Variants in PDZD9 observed in about 807,000 individuals in gnomAD.
The protein encoded by PDZD9 is PDZ domain-containing protein 9.
In PDZD9, 13 loss-of-function variants were observed where a neutral mutation model predicts 16.3. The ratio of observed to expected loss-of-function variants is 0.80; its 90% CI spans 0.52 to 1.27. The LOEUF is 1.27. Among genes scored for constraint, PDZD9 ranks in the 50% most tolerant of loss-of-function variants. The pLI, the probability that PDZD9 is intolerant of heterozygous loss-of-function variation, is 0.00. For synonymous variants in PDZD9, 120 were observed against 111.0 expected, an observed-to-expected ratio of 1.08 and a Z score of -0.51; for missense variants, 288 against 310.9, an observed-to-expected ratio of 0.93 and a Z score of 0.55.
chr16:21,968,263 G>C, the PDZD9 span, among the ~76,000 whole-genome samples: 1 of 152,030 alleles, frequency 6.6e-6, no homozygotes, highest in African/African-American at 2.4e-5. Context: ...TGGCCTCCCA[G>C]AGTGCTGGGA....
chr16:21,982,820 C>T (rs1898764784), downstream of PDZD9, among the ~76,000 whole-genome samples: 1 of 152,042 alleles, frequency 6.6e-6, no homozygotes, highest in Non-Finnish European at 1.5e-5. Flanking sequence ...CAAAAATTAG[C>T]TGGGCATAGT....
the PDZD9 span, among the ~76,000 whole-genome samples, chr16:21,964,713 C>G: frequency 2.6e-5 from 4 of 152,206 alleles, no homozygotes; most frequent in African/African-American, 9.6e-5. Flanking sequence ...CCTTGTACCT[C>G]TACTGCACTT....
intron 3 of PDZD9, among the ~76,000 whole-genome samples, chr16:21,987,430 A>C (rs1330559634): frequency 6.6e-6 from 1 of 152,124 alleles, no homozygotes; most frequent in East Asian, 1.9e-4. Context: ...CCAAGAAAAA[A>C]AAAATACAGT....
At chr16:21,982,993 A>C (rs1898771696), downstream of PDZD9, 2 of 950,212 alleles carry the variant, frequency 2.1e-6, no homozygotes, top group Admixed American at 2.4e-5. Flanking sequence ...AGAATGTCCT[A>C]TCCATAAATT....
At chr16:21,967,628 C>T in the PDZD9 span, among the ~76,000 whole-genome samples, 341 of 152,152 alleles carry the variant, frequency 2.2e-3, 4 homozygotes, top group African/African-American at 7.6e-3. Flanking sequence ...GGTAGTTGGT[C>T]GGTTTTAAAT....
chr16:21,982,494 T>A (rs1235633348), downstream of PDZD9, among the ~76,000 whole-genome samples: 2 of 152,196 alleles, frequency 1.3e-5, no homozygotes. Context: ...TTGTTTTCCT[T>A]ATCTCTCTTT....
chr16:21,966,412 A>G, the PDZD9 span, among the ~76,000 whole-genome samples: 1 of 152,124 alleles, frequency 6.6e-6, no homozygotes, highest in African/African-American at 2.4e-5. Flanking sequence ...CTAAATCTAC[A>G]AGTGTAGATA....
intron 3 of PDZD9, among the ~76,000 whole-genome samples, chr16:21,986,774 C>T (rs1057512059): frequency 4.6e-5 from 7 of 152,032 alleles, no homozygotes; most frequent in Non-Finnish European, 7.4e-5. Context: ...TGTGAAGGAG[C>T]GAGCTGTGAG....
intron 3 of PDZD9, among the ~76,000 whole-genome samples, chr16:21,988,023 T>TC (rs2141955784): frequency 6.6e-6 from 1 of 150,418 alleles, no homozygotes; most frequent in African/African-American, 2.4e-5. Context: ...TTTTTTTTTT[T>TC]TTTGAGACAA....
At chr16:21,992,742 CT>C (rs1390802220) in intron 2 of PDZD9, among the ~76,000 whole-genome samples, 1 of 152,164 alleles carries the variant, frequency 6.6e-6, no homozygotes, top group Non-Finnish European at 1.5e-5. Context: ...GGCTTCCCAA[CT>C]TTTGAGGTTT....
Position 21,984,123 on chromosome 16 carries a change from T to G in PDZD9, c.*144A>C. 2 of 863,048 alleles carry G rather than the reference T, an allele frequency of 2.3e-6. No individual in the cohort carries two copies. The highest frequency in any genetic ancestry group is 2.7e-5 in the South Asian group (1 of 37,620). The allele number at this position is 863,048 out of a possible 1,614,324, so 53.5% of individuals were successfully genotyped here. A position where few individuals can be genotyped will look rare whatever the true frequency, so the allele number is the denominator to read the frequency against. On this transcript the variant is annotated 3_prime_UTR_variant, in exon 4 of 4. Transcript: ENST00000424898. ...CTTTAGATAATCCTGTTGAAGAACA[T>G]CTCTAAAGGCTTTATAACGCAGTCA...
chr16:21,965,821 C>G, the PDZD9 span, among the ~76,000 whole-genome samples: 4 of 152,072 alleles, frequency 2.6e-5, no homozygotes, highest in African/African-American at 9.7e-5. Context: ...ATATTTTCTT[C>G]TAAACCGTTT....
chr16:21,973,928 T>C, the PDZD9 span: 1 of 1,613,030 alleles, frequency 6.2e-7, no homozygotes, highest in Non-Finnish European at 8.5e-7. Context: ...ACTCAGATTC[T>C]GGACTCTTTG....
chr16:21,992,911 T>A (rs1189790814), intron 2 of PDZD9, among the ~76,000 whole-genome samples: 2 of 152,046 alleles, frequency 1.3e-5, no homozygotes, highest in Non-Finnish European at 2.9e-5. Context: ...ACGGGGGTGG[T>A]TTCCCCCATG....
chr16:21,971,411 T>G, the PDZD9 span: 1 of 833,652 alleles, frequency 1.2e-6, no homozygotes, highest in Middle Eastern at 3.1e-4. Flanking sequence ...AGACTCTTAT[T>G]TATTTTGTAG....
the PDZD9 span, among the ~76,000 whole-genome samples, chr16:21,958,905 C>T: frequency 3.9e-5 from 6 of 152,156 alleles, no homozygotes; most frequent in Non-Finnish European, 4.4e-5. Context: ...TGTGGTTTCC[C>T]AGTGCATATA....
the PDZD9 span, chr16:21,965,459 C>T: frequency 6.2e-7 from 1 of 1,613,706 alleles, no homozygotes; most frequent in Non-Finnish European, 8.5e-7. Flanking sequence ...TTGGCTAATC[C>T]CTTGTATTGT....
chr16:22,000,553 T>G (rs1899268649), intron 1 of PDZD9, among the ~76,000 whole-genome samples: 1 of 152,010 alleles, frequency 6.6e-6, no homozygotes, highest in South Asian at 2.1e-4. Flanking sequence ...GGGATCTTAC[T>G]GCATGGAAAT....
chr16:21,971,043 CT>C, the PDZD9 span, among the ~76,000 whole-genome samples: 2 of 151,974 alleles, frequency 1.3e-5, no homozygotes, highest in African/African-American at 4.8e-5. Context: ...CCTCTTTTTA[CT>C]TTCTTGATAC....
Sources: gnomAD v4.1 joint callset for allele counts (sites outside exome capture counted in the v4.1 genomes callset) on GRCh38, gnomAD v4.1.1 for gene constraint, MANE v1.5 for transcripts, NCBI Gene and HGNC (gene_info 2026-07-23, HGNC 2026-07-21) for gene names.